RPUSD1: variants seen among roughly 807,000 people sequenced by gnomAD.
RPUSD1 encodes the protein pseudouridylate synthase RPUSD1.
Under a neutral mutation model 22.4 loss-of-function variants are expected in RPUSD1, and 28 were observed. The ratio of observed to expected loss-of-function variants is 1.25; its 90% confidence interval spans 0.93 to 1.72. RPUSD1 has a LOEUF of 1.72. Ranked by LOEUF, RPUSD1 falls within the 40% of genes most tolerant of loss-of-function variation. The pLI, the probability that RPUSD1 is intolerant of heterozygous loss-of-function variation, is 0.00. For missense variants in RPUSD1, 596 were observed against 442.2 expected (o/e 1.35, Z -3.12); for synonymous variants, 298 against 201.0 (o/e 1.48, Z -4.08).
In RPUSD1 at chr16:785,942, C is replaced by G; in HGVS notation, c.*8G>C. The G allele has an allele frequency of 7.0e-7, 1 of 1,431,880 alleles. No homozygotes were observed. The highest frequency in any genetic ancestry group is 9.1e-7 in the Non-Finnish European group (1 of 1,095,728). 88.7% of individuals were successfully genotyped at this position (1,431,880 alleles called of 1,614,324 possible). The stretch of plus-strand genomic sequence containing the variant: ...CAGCTGACACCCCCTGCCCCAGCCC[C>G]ACGGCTCTCAGCTGTCCGGTTCCAG... On this transcript the variant is annotated 3_prime_UTR_variant, in exon 6 of 6. Transcript: ENST00000007264.
intron 5 of RPUSD1, chr16:786,589 G>C: frequency 1.4e-6 from 1 of 738,672 alleles, no homozygotes; most frequent in Non-Finnish European, 2.4e-6. Flanking sequence ...ACAGGGCCAG[G>C]GTGGTGCTCG....
rs1353326982 is a variant in RPUSD1 at position 786,366 on chromosome 16, G to A, written c.523C>T (p.Gln175Ter). The change falls in exon 6 of 6, where the codon CAG becomes TAG. Residue 175 changes from glutamine (Q) to a stop codon, truncating the protein, a stop_gained. Transcript: ENST00000007264. LOFTEE classifies it low-confidence loss of function (END_TRUNC). ...LLKPLTGRTH[Q>*]LRVHCSALGH... ...AGGGCACTGCAGTGCACGCGCAGCT[G>A]GTGTGTCCGGCCTGCGGGATGAGGG... 1 of 1,606,204 alleles carries A rather than the reference G, an allele frequency of 6.2e-7. No individual in the cohort carries two copies. Among genetic ancestry groups the A allele is most frequent in the Admixed American group, 1.7e-5 (1 of 59,878 alleles).
chr16:787,100 G>A lies in RPUSD1; in HGVS notation c.386C>T (p.Thr129Ile). The A allele has an allele frequency of 6.2e-7, 1 of 1,607,578 alleles. No homozygotes were observed. The highest frequency in any genetic ancestry group is 8.5e-7 in the Non-Finnish European group (1 of 1,178,718). Reference sequence around the variant, plus strand: ...ACCCTGCGAGCCCTCGATGCACATGGTGTGGGCCCGGCCCTCCGTGCTGTT... The same window carrying A: ...ACCCTGCGAGCCCTCGATGCACATGATGTGGGCCCGGCCCTCCGTGCTGTT... ...GRNSTEGRAH[T>I]MCIEGSQGCE... is the part of the protein sequence containing the mutation. Residue 129 changes from threonine (T) to isoleucine (I), a missense_variant, in exon 4 of 6, where the codon ACC becomes ATC. Coordinates refer to ENST00000007264, the MANE Select transcript of RPUSD1 (RefSeq NM_058192.3).
At position 787,171 on chromosome 16, in the gene RPUSD1, C is replaced by T. The variant is rs753689517; in HGVS notation, c.315G>A (p.Gly105=). The T allele has an allele frequency of 3.1e-6, 5 of 1,603,320 alleles. No individual in the cohort carries two copies. Among genetic ancestry groups the T allele is most frequent in the Admixed American group, 1.7e-5 (1 of 59,766 alleles). ...TGGTTACCCGGCTCTCCTGGATGTGCCCCCGCAGCTGCAGGAGAGGGAGAA... is the reference window on the plus strand; with the variant it reads ...TGGTTACCCGGCTCTCCTGGATGTGTCCCCGCAGCTGCAGGAGAGGGAGAA... ...VTKAYLALLR[G]HIQESRVTIS... The change falls in exon 4 of 6, where the codon GGG becomes GGA. Residue 105 remains glycine, a synonymous_variant. Transcript: ENST00000007264.
chr16:787,304 G>C (rs773385686), intron 3 of RPUSD1, 50 bp downstream of exon 3: 1 of 1,553,726 alleles, frequency 6.4e-7, no homozygotes, highest in East Asian at 2.4e-5. Flanking sequence ...CCCAAGTGGG[G>C]TGGGAATCCT....
At chr16:787,925 G>A in intron 1 of RPUSD1, 181 bp from the exon 2 acceptor site, 1 of 625,540 alleles carries the variant, frequency 1.6e-6, no homozygotes, top group Non-Finnish European at 2.8e-6. Context: ...GTCAGCTGGG[G>A]AGTCAAGGAG....
chr16:786,069 C>T lies in RPUSD1; in HGVS notation c.820G>A (p.Ala274Thr), dbSNP rs201218677. 465 of 1,554,790 alleles carry T rather than the reference C, an allele frequency of 3.0e-4. No homozygotes were observed. Among genetic ancestry groups the T allele is most frequent in the African/African-American group, 2.2e-3 (164 of 74,026 alleles). ...GGCCGGCCGGGCCCAGGCAGGAGTGCGGAGGGGCTGCCTGGCCTGGGGCCC... is the reference window on the plus strand; with the variant it reads ...GGCCGGCCGGGCCCAGGCAGGAGTGTGGAGGGGCTGCCTGGCCTGGGGCCC... ...DRGPRPGSPS[A>T]LLPGPGRPPP... Residue 274 changes from alanine to threonine, a missense_variant, in exon 6 of 6, where the codon GCA (alanine) becomes ACA (threonine). Transcript: ENST00000007264.
chr16:787,947 C>T (rs906780952), intron 1 of RPUSD1: 11 of 606,632 alleles, frequency 1.8e-5, no homozygotes, highest in Admixed American at 3.0e-5. Flanking sequence ...CAGCCTGCTC[C>T]GGGCTGACCT....
In RPUSD1 at chr16:787,487, G is replaced by A. The variant is rs532476380; in HGVS notation, c.183-10C>T. The A allele has an allele frequency of 1.4e-5, 23 of 1,589,640 alleles. No individual in the cohort carries two copies. Among genetic ancestry groups the A allele is most frequent in the Middle Eastern group, 1.7e-4 (1 of 6,038 alleles). On this transcript the variant is annotated splice_polypyrimidine_tract_variant and intron_variant, in intron 2 of 5. Transcript: ENST00000007264. ...CAGCTGGTGGCAGAACCTGGAGTGG[G>A]ACAGAGTCCAGAGTCTGAGCCACTT... is the stretch of plus-strand genomic sequence containing the variant.
chr16:787,750 G>C lies in RPUSD1; in HGVS notation c.-7-6C>G. 6.2e-7 allele frequency: 1 copy of C among 1,606,336 alleles called. No homozygotes were observed. Among genetic ancestry groups the C allele is most frequent in the Admixed American group, 1.7e-5 (1 of 59,958 alleles). ...TGCCTGGCTCCATGGCCGGCCTGCC[G>C]AGCCACGCGTGGGTGCGTGTGCTGT... On this transcript the variant is annotated splice_region_variant and splice_polypyrimidine_tract_variant and intron_variant, in intron 1 of 5. Transcript: ENST00000007264.
At position 787,466 on chromosome 16, in the gene RPUSD1, T is replaced by G; in HGVS notation, c.194A>C (p.Gln65Pro). ...DTCYGFRFCH[Q>P]LDFSTSGALC... Reference sequence around the variant, plus strand: ...CGCCCCGCTGGTGGAGAAATCCAGCTGGTGGCAGAACCTGGAGTGGGACAG... The same window carrying G: ...CGCCCCGCTGGTGGAGAAATCCAGCGGGTGGCAGAACCTGGAGTGGGACAG... Residue 65 changes from glutamine to proline, a missense_variant, in exon 3 of 6, where the codon CAG (glutamine) becomes CCG (proline). By Grantham distance (76) the Gln-to-Pro change is moderately conservative. Coordinates refer to ENST00000007264, the MANE Select transcript of RPUSD1 (RefSeq NM_058192.3). 6.3e-7 allele frequency: 1 copy of G among 1,586,912 alleles called. No individual in the cohort carries two copies. Among genetic ancestry groups the G allele is most frequent in the Non-Finnish European group, 8.6e-7 (1 of 1,166,664 alleles).
rs771159073 is a variant in RPUSD1 at position 786,289 on chromosome 16, C to G, written c.600G>C (p.Glu200Asp). ...GCAGCATCATTCTGAACGGCCGGTC[C>G]TCCCGGCCCGAGACTTCTCCGTAGG... Reference protein sequence around the residue: ...DLTYGEVSGREDRPFRMMLHA... With the variant: ...DLTYGEVSGRDDRPFRMMLHA... Residue 200 changes from glutamate (E) to aspartate (D), a missense_variant, in exon 6 of 6, where the codon GAG (glutamate) becomes GAC (aspartate). Physicochemically the swap from Glu to Asp is conservative, Grantham distance 45. Coordinates refer to ENST00000007264, the MANE Select transcript of RPUSD1 (RefSeq NM_058192.3). The G allele has an allele frequency of 5.6e-6, 9 of 1,612,726 alleles. 1 individual carries two copies. In the South Asian group the frequency reaches 7.7e-5, roughly 14 times the overall value.
chr16:787,610 T>C lies in RPUSD1; in HGVS notation c.128A>G (p.Gln43Arg). Residue 43 changes from glutamine to arginine, a missense_variant, in exon 2 of 6, where the codon CAG becomes CGG. By Grantham distance (43) the Gln-to-Arg change is conservative. Coordinates refer to ENST00000007264, the MANE Select transcript of RPUSD1 (RefSeq NM_058192.3). Reference protein sequence around the residue: ...AWRETLTLQKQLRYRFPELAD... With the variant: ...AWRETLTLQKRLRYRFPELAD... The stretch of plus-strand genomic sequence containing the variant: ...CAGCTCGGGAAAGCGGTACCGCAGC[T>C]GCTTCTGCAGGGTCAGAGTCTCCCG... 6.2e-7 allele frequency: 1 copy of C among 1,611,696 alleles called. No individual in the cohort carries two copies. Among genetic ancestry groups the C allele is most frequent in the Admixed American group, 1.7e-5 (1 of 60,020 alleles).
At chr16:786,706 A>C (rs761124734) in intron 5 of RPUSD1, 121 bp downstream of exon 5, 3 of 861,686 alleles carry the variant, frequency 3.5e-6, no homozygotes, top group Non-Finnish European at 6.0e-6. Context: ...GGAGTTAAGA[A>C]CGCAGGAGTG....
rs775498059 is a variant in RPUSD1, at chr16:787,656, G to C, written c.82C>G (p.Arg28Gly). 1.9e-6 allele frequency: 3 copies of C among 1,612,390 alleles called. No individual in the cohort carries two copies. Among genetic ancestry groups the C allele is most frequent in the Non-Finnish European group, 2.5e-6 (3 of 1,179,966 alleles). The change falls in exon 2 of 6, where the codon CGC (arginine) becomes GGC (glycine). Residue 28 changes from arginine (R) to glycine (G), a missense_variant. Transcript: ENST00000007264. ...FLVVNKHWDV[R>G]IDSKAWRETL... ...TCCCGCCACGCCTTGCTGTCAATGC[G>C]AACGTCCCAGTGCTTGTTGACCACC...
At chr16:786,433 T>C in intron 5 of RPUSD1, 56 bp from the exon 6 acceptor site, 2 of 1,541,354 alleles carry the variant, frequency 1.3e-6, no homozygotes, top group South Asian at 1.2e-5. Context: ...TCCACACCTA[T>C]CTCCCTGACC....
Position 787,166 on chromosome 16 carries a change from A to G in RPUSD1, c.320T>C (p.Ile107Thr), listed in dbSNP as rs750655896. ...KAYLALLRGH[I>T]QESRVTISHA... is the part of the protein sequence containing the mutation. Reference sequence around the variant, plus strand: ...GCTGATGGTTACCCGGCTCTCCTGGATGTGCCCCCGCAGCTGCAGGAGAGG... The same window carrying G: ...GCTGATGGTTACCCGGCTCTCCTGGGTGTGCCCCCGCAGCTGCAGGAGAGG... Residue 107 changes from isoleucine to threonine, a missense_variant, in exon 4 of 6, where the codon ATC (isoleucine) becomes ACC (threonine). Coordinates refer to ENST00000007264, the MANE Select transcript of RPUSD1 (RefSeq NM_058192.3). The G allele has an allele frequency of 1.3e-4, 205 of 1,605,020 alleles. No homozygotes were observed. The highest frequency in any genetic ancestry group is 1.7e-4 in the Non-Finnish European group (197 of 1,179,000).
At chr16:787,321 C>T (rs1223473985) in intron 3 of RPUSD1, 33 bp downstream of exon 3, 1 of 1,561,164 alleles carries the variant, frequency 6.4e-7, no homozygotes, top group Non-Finnish European at 8.7e-7. Context: ...TCCTGAGTCC[C>T]CACGCCCCAC....
Position 787,337 on chromosome 16 carries a change from G to T in RPUSD1, c.306+17C>A. 1 of 1,576,412 alleles carries T rather than the reference G, an allele frequency of 6.3e-7. No individual in the cohort carries two copies. Among genetic ancestry groups the T allele is most frequent in the Non-Finnish European group, 8.6e-7 (1 of 1,161,830 alleles). On this transcript the variant is annotated intron_variant, in intron 3 of 5. Coordinates refer to ENST00000007264, the MANE Select transcript of RPUSD1 (RefSeq NM_058192.3). ...CCTGAGTCCCCACGCCCCACCCCAG[G>T]ACTGACCAGGTCTTACCAATGCCAG...
Sources: allele counts gnomAD v4.1 joint callset, GRCh38; gene constraint gnomAD v4.1.1; transcripts MANE v1.5; gene names NCBI Gene and HGNC (gene_info 2026-07-23, HGNC 2026-07-21).